Variants in HEXA observed in about 807,000 individuals in gnomAD.
The protein encoded by HEXA is hexosaminidase subunit alpha.
In HEXA, 54 loss-of-function variants were observed where a neutral mutation model predicts 73.3. That is an observed-to-expected ratio of 0.74 (90% confidence interval 0.59 to 0.92). HEXA has a LOEUF of 0.92. Among genes scored for constraint, HEXA ranks in the 40% least tolerant of loss-of-function variants. HEXA has a pLI of 0.00. For missense variants in HEXA, 649 were observed against 653.0 expected (o/e 0.99, Z 0.07); for synonymous variants, 230 against 246.9 (o/e 0.93, Z 0.64).
intron 5 of HEXA, among the ~76,000 whole-genome samples, chr15:72,352,367 C>T (rs527328771): frequency 6.8e-6 from 1 of 147,896 alleles, no homozygotes; most frequent in East Asian, 2.0e-4. Context: ...TCTGGCAGGC[C>T]AAGGTGGGCA....
At chr15:72,363,243 A>G (rs2088873937) in intron 1 of HEXA, among the ~76,000 whole-genome samples, 2 of 152,240 alleles carry the variant, frequency 1.3e-5, no homozygotes, top group South Asian at 2.1e-4. Context: ...GGCAGTTAAA[A>G]AGAAAAACAA....
rs752356903 is a variant in HEXA, at chr15:72,351,100, C to T, written c.672+33G>A. 3.7e-6 allele frequency: 5 copies of T among 1,341,580 alleles called. No individual in the cohort carries two copies. In the Admixed American group the frequency reaches 5.0e-5, roughly 13 times the overall value. 83.1% of individuals were successfully genotyped at this position (1,341,580 alleles called of 1,614,324 possible). A position where few individuals can be genotyped will look rare whatever the true frequency, so the allele number is the denominator to read the frequency against. ...CCACAGCCAGATTCAGACATTGACC[C>T]ATAAACTTGGTCTGAGTGAAACGGG... On this transcript the variant is annotated intron_variant, in intron 6 of 13. Transcript: ENST00000268097.
intron 1 of HEXA, 61 bp downstream of exon 1, chr15:72,375,659 G>T (rs1000493513): frequency 3.1e-6 from 5 of 1,595,782 alleles, no homozygotes; most frequent in Middle Eastern, 1.7e-4. Flanking sequence ...AGCCCTGGGG[G>T]AACTGTCCCC....
intron 1 of HEXA, chr15:72,362,428 C>T (rs1309524442): frequency 2.2e-6 from 1 of 455,680 alleles, no homozygotes. Flanking sequence ...CTTTGTATTC[C>T]CAGTGCCTGA....
chr15:72,368,148 C>T (rs998736462), intron 1 of HEXA, among the ~76,000 whole-genome samples: 5 of 152,190 alleles, frequency 3.3e-5, no homozygotes, highest in Admixed American at 6.5e-5. Context: ...CTACTGGAAT[C>T]TGGTAACAAT....
intron 1 of HEXA, among the ~76,000 whole-genome samples, chr15:72,375,341 C>T (rs974591743): frequency 6.6e-6 from 1 of 152,080 alleles, no homozygotes; most frequent in Non-Finnish European, 1.5e-5. Context: ...GCCCGCCAAA[C>T]ATTCTATGTG....
chr15:72,348,131 C>A lies in HEXA; in HGVS notation c.990G>T (p.Lys330Asn). The A allele has an allele frequency of 6.2e-7, 1 of 1,606,982 alleles. No homozygotes were observed. The highest frequency in any genetic ancestry group is 8.5e-7 in the Non-Finnish European group (1 of 1,173,486). Reference sequence around the variant, plus strand: ...TAAAGTCCTGGATCTCTGGGTTGGACTTCCTGAATCCCAAGAGAAAATGAA... The same window carrying A: ...TAAAGTCCTGGATCTCTGGGTTGGAATTCCTGAATCCCAAGAGAAAATGAA... ...GGDEVDFTCW[K>N]SNPEIQDFMR... The change falls in exon 9 of 14, where the codon AAG (lysine) becomes AAT (asparagine). Residue 330 changes from lysine to asparagine, a missense_variant. By Grantham distance (94) the Lys-to-Asn change is moderately conservative (BLOSUM62 0). Coordinates refer to ENST00000268097, the MANE Select transcript of HEXA (RefSeq NM_000520.6).
At chr15:72,348,213 C>G in intron 8 of HEXA, 79 bp from the exon 9 acceptor site, 1 of 913,372 alleles carries the variant, frequency 1.1e-6, no homozygotes, top group Non-Finnish European at 1.8e-6. Context: ...ACCTGGCCCC[C>G]TATAACTTCC....
chr15:72,371,152 T>G (rs2088986522), intron 1 of HEXA, among the ~76,000 whole-genome samples: 1 of 152,122 alleles, frequency 6.6e-6, no homozygotes, highest in African/African-American at 2.4e-5. Flanking sequence ...GTTTCCCTCC[T>G]AGATGCAATC....
intron 1 of HEXA, chr15:72,362,504 T>A (rs1162106960): frequency 8.8e-6 from 4 of 455,768 alleles, no homozygotes; most frequent in Non-Finnish European, 1.8e-5. Flanking sequence ...AAAAAATGCA[T>A]ATTTTATGAT....
intron 9 of HEXA, 109 bp from the exon 10 acceptor site, chr15:72,347,867 T>A: frequency 8.9e-7 from 1 of 1,119,642 alleles, no homozygotes; most frequent in Non-Finnish European, 1.4e-6. Flanking sequence ...TATTCCTCAT[T>A]AAGCAGTGTC....
intron 6 of HEXA, 132 bp from the exon 7 acceptor site, chr15:72,350,782 T>G (rs2088684719): frequency 2.2e-6 from 2 of 916,410 alleles, no homozygotes; most frequent in Admixed American, 2.1e-5. Flanking sequence ...AGGGACTATC[T>G]TCAAAAAACT....
intron 5 of HEXA, among the ~76,000 whole-genome samples, chr15:72,352,011 C>T (rs954418363): frequency 4.0e-5 from 6 of 151,886 alleles, no homozygotes; most frequent in Non-Finnish European, 8.8e-5. Flanking sequence ...GGCTGGAGTG[C>T]AGTGGTGCAA....
At chr15:72,369,647 C>G (rs2088962686) in intron 1 of HEXA, among the ~76,000 whole-genome samples, 1 of 152,200 alleles carries the variant, frequency 6.6e-6, no homozygotes, top group South Asian at 2.1e-4. Flanking sequence ...AAGCCATCCT[C>G]CCACCTCAGC....
intron 8 of HEXA, among the ~76,000 whole-genome samples, chr15:72,348,652 C>T (rs889804765): frequency 6.6e-6 from 1 of 152,216 alleles, no homozygotes; most frequent in African/African-American, 2.4e-5. Flanking sequence ...AGAAGCCCCT[C>T]AGCCTCTTTT....
chr15:72,356,179 C>G (rs2088775908), intron 2 of HEXA, among the ~76,000 whole-genome samples: 1 of 152,182 alleles, frequency 6.6e-6, no homozygotes, highest in Non-Finnish European at 1.5e-5. Flanking sequence ...AACTTCATCT[C>G]AGTATAAGTG....
In HEXA at chr15:72,375,962, G is replaced by T; in HGVS notation, c.11C>A (p.Ser4Tyr). 3 of 1,613,830 alleles carry T rather than the reference G, an allele frequency of 1.9e-6. No individual in the cohort carries two copies. Among genetic ancestry groups the T allele is most frequent in the Non-Finnish European group, 8.5e-7 (1 of 1,180,012 alleles). The change falls in exon 1 of 14, where the codon TCC becomes TAC. Residue 4 changes from serine to tyrosine, a missense_variant. Ser to Tyr is a moderately radical substitution (Grantham distance 144). Coordinates refer to ENST00000268097, the MANE Select transcript of HEXA (RefSeq NM_000520.6). The stretch of plus-strand genomic sequence containing the variant: ...CAGCAGCAGCGAAAACCAAAGCCTG[G>T]AGCTTGTCATGGCCCGCTGGTCTCC... Reference protein sequence around the residue: MTSSRLWFSLLLAA... With the variant: MTSYRLWFSLLLAA...
chr15:72,375,126 T>A (rs1157936140), intron 1 of HEXA, among the ~76,000 whole-genome samples: 1 of 151,798 alleles, frequency 6.6e-6, no homozygotes, highest in African/African-American at 2.4e-5. Context: ...TCTTGCTCTG[T>A]TGCCCAGGCT....
chr15:72,375,255 A>T (rs957801428), intron 1 of HEXA, among the ~76,000 whole-genome samples: 6 of 152,048 alleles, frequency 3.9e-5, no homozygotes, highest in African/African-American at 9.6e-5. Flanking sequence ...CGCCTGGCTA[A>T]TTTTTTGTGT....
Sources: allele counts gnomAD v4.1 joint callset (sites outside exome capture counted in the v4.1 genomes callset), GRCh38; gene constraint gnomAD v4.1.1; transcripts MANE v1.5; gene names NCBI Gene and HGNC (gene_info 2026-07-23, HGNC 2026-07-21).